The following SCML4 variants were observed in gnomAD, a reference collection of about 807,000 sequenced individuals.
SCML4 encodes Scm polycomb group protein like 4, also known as sex comb on midleg-like protein 4.
In SCML4, 34 loss-of-function variants were observed where a neutral mutation model predicts 41.1. The ratio of observed to expected loss-of-function variants is 0.83; its 90% confidence interval spans 0.63 to 1.10. SCML4 has a LOEUF of 1.10. Ranked by LOEUF, SCML4 falls within the 50% of genes least tolerant of loss-of-function variation. The probability of loss-of-function intolerance (pLI) is 0.00; values close to 1 mark genes in which losing one functional copy is unlikely to be tolerated. For missense variants in SCML4, 522 were observed against 534.1 expected (o/e 0.98, Z 0.22); for synonymous variants, 214 against 220.9 (o/e 0.97, Z 0.28).
At chr6:107,754,880 G>A (rs6908532) in intron 2 of SCML4, among the ~76,000 whole-genome samples, 95 of 152,186 alleles carry the variant, frequency 6.2e-4, no homozygotes, top group African/African-American at 1.3e-3. Context: ...AGGCCAAGAC[G>A]GCAGGATTGC....
At chr6:107,839,956 T>C in the SCML4 span, among the ~76,000 whole-genome samples, 5,148 of 152,188 alleles carry the variant, frequency 0.034, 138 homozygotes, top group South Asian at 0.055. Flanking sequence ...AATCACAAAT[T>C]AAAATAAAAA....
At chr6:107,802,774 C>T (rs1209780329) in intron 1 of SCML4, among the ~76,000 whole-genome samples, 6 of 149,502 alleles carry the variant, frequency 4.0e-5, no homozygotes, top group African/African-American at 7.4e-5. Flanking sequence ...TCTCTTTCCA[C>T]GGTCTCCCCC....
upstream of SCML4, chr6:107,824,460 CTCTGTGTGTGTGTGTGTGTG>C (rs1193435607): frequency 7.5e-5 from 9 of 120,142 alleles, no homozygotes; most frequent in African/African-American, 3.0e-4. Flanking sequence ...AAAACGAGGC[CTCTGTGTGTGTGTGTGTGTG>C]TGTGTGTGTG....
chr6:107,813,405 TATATATATATATATATATAAAA>T lies in SCML4; in HGVS notation c.-60+10699_-60+10720del, dbSNP rs1256830254. ...ATATATATATATATATATATATATA[TATATATATATATATATATAAAA>T]CTGTAAAATTAAATACATATTAAAA... is the stretch of plus-strand genomic sequence containing the variant. On this transcript the variant is annotated intron_variant, in intron 1 of 7. Transcript: ENST00000369020. Among the ~76,000 whole-genome samples, 8 of 67,900 alleles carry T rather than the reference TATATATATATATATATATAAAA, an allele frequency of 1.2e-4. 1 individual carries two copies. The highest frequency in any genetic ancestry group is 1.5e-4 in the Admixed American group (1 of 6,652). 44.5% of individuals were successfully genotyped at this position (67,900 alleles called of 152,430 possible).
At chr6:107,760,158 A>C (rs994588471) in intron 2 of SCML4, among the ~76,000 whole-genome samples, 1 of 152,234 alleles carries the variant, frequency 6.6e-6, no homozygotes, top group African/African-American at 2.4e-5. Context: ...AATTAGAAGA[A>C]ATGTAGCATT....
intron 2 of SCML4, among the ~76,000 whole-genome samples, chr6:107,762,876 CTTTTTTTTTTTT>C (rs57370632): frequency 2.2e-5 from 2 of 89,706 alleles, no homozygotes; most frequent in South Asian, 1.0e-3. Context: ...TAAATGCACT[CTTTTTTTTTTTT>C]TTTTTTTTTT....
chr6:107,770,781 T>C (rs1268676255), intron 2 of SCML4, among the ~76,000 whole-genome samples: 1 of 152,232 alleles, frequency 6.6e-6, no homozygotes. Context: ...TTGGTAATTT[T>C]CATTCTTGGG....
chr6:107,844,019 G>C, the SCML4 span, among the ~76,000 whole-genome samples: 1 of 152,166 alleles, frequency 6.6e-6, no homozygotes, highest in South Asian at 2.1e-4. Context: ...GAAAAATAAT[G>C]ATGGCAGATT....
Position 107,746,827 on chromosome 6 carries a change from G to A in SCML4, c.349C>T (p.Gln117Ter). 6.2e-7 allele frequency: 1 copy of A among 1,614,126 alleles called. No homozygotes were observed. Among genetic ancestry groups the A allele is most frequent in the Non-Finnish European group, 8.5e-7 (1 of 1,180,000 alleles). Reference protein sequence around the residue: ...GPYLERKKVQQLPEHFGPERP... With the variant: ...GPYLERKKVQ Reference sequence around the variant, plus strand: ...TCGGGCCCAAAATGCTCCGGGAGCTGCTGCACCTTCTTCCTCTCCAGATAG... The same window carrying A: ...TCGGGCCCAAAATGCTCCGGGAGCTACTGCACCTTCTTCCTCTCCAGATAG... Residue 117 changes from glutamine (Q) to a stop codon, truncating the protein, a stop_gained, in exon 4 of 8, where the codon CAG (glutamine) becomes TAG (stop). Transcript: ENST00000369020. LOFTEE classifies it high-confidence loss of function.
chr6:107,759,713 C>T (rs1002297142), intron 2 of SCML4, among the ~76,000 whole-genome samples: 3 of 152,130 alleles, frequency 2.0e-5, no homozygotes, highest in African/African-American at 7.2e-5. Flanking sequence ...CTGGCTTTGT[C>T]TCTAAGTTTC....
chr6:107,755,910 C>G (rs959210556), intron 2 of SCML4, among the ~76,000 whole-genome samples: 5 of 152,076 alleles, frequency 3.3e-5, no homozygotes, highest in African/African-American at 1.2e-4. Flanking sequence ...TACAGGGACA[C>G]AGGTGCCAAC....
the SCML4 span, among the ~76,000 whole-genome samples, chr6:107,845,382 A>C: frequency 6.6e-6 from 1 of 152,234 alleles, no homozygotes. Flanking sequence ...TGGAGCCTAG[A>C]GACGCTCCGG....
intron 1 of SCML4, among the ~76,000 whole-genome samples, chr6:107,809,699 T>C (rs1784016647): frequency 6.6e-6 from 1 of 152,164 alleles, no homozygotes; most frequent in Admixed American, 6.5e-5. Context: ...GGAGCAATGA[T>C]GAGTCCAGTT....
chr6:107,829,086 T>C (rs551138272), upstream of SCML4, among the ~76,000 whole-genome samples: 3 of 152,174 alleles, frequency 2.0e-5, no homozygotes, highest in Admixed American at 6.5e-5. Flanking sequence ...AAAAAACTAA[T>C]GATTTACAAA....
At chr6:107,772,120 AC>A (rs143149232) in intron 2 of SCML4, 51 bp downstream of exon 2, 19,559 of 1,486,792 alleles carry the variant, frequency 0.013, 417 homozygotes, top group East Asian at 0.11. Context: ...CTGACCAAGT[AC>A]CCGTGCCCCA....
intron 5 of SCML4, among the ~76,000 whole-genome samples, chr6:107,726,719 C>A (rs1162828945): frequency 6.6e-6 from 1 of 152,100 alleles, no homozygotes; most frequent in Non-Finnish European, 1.5e-5. Context: ...CCACTTCACA[C>A]CCACTAGGAA....
At position 107,711,155 on chromosome 6, in the gene SCML4, T is replaced by C. The variant is rs1774169412; in HGVS notation, c.974-3144A>G. Among the ~76,000 whole-genome samples the C allele has an allele frequency of 1.4e-5, 2 of 145,878 alleles. 1 individual carries two copies. The highest frequency in any genetic ancestry group is 1.4e-4 in the Admixed American group (2 of 14,376). ...CTGTGCCCAGGAAGTCTCTGCTGGC[T>C]AGGACCAACCAAAACCTGAGTCTTA... On this transcript the variant is annotated intron_variant, in intron 6 of 7. Coordinates refer to ENST00000369020, the MANE Select transcript of SCML4 (RefSeq NM_198081.5).
intron 1 of SCML4, among the ~76,000 whole-genome samples, chr6:107,814,750 G>A (rs137889210): frequency 3.3e-5 from 5 of 152,150 alleles, no homozygotes; most frequent in East Asian, 1.9e-4. Flanking sequence ...ACGGGGTTTC[G>A]CCACATTGGC....
intron 2 of SCML4, among the ~76,000 whole-genome samples, chr6:107,754,909 G>C (rs1778977690): frequency 6.6e-6 from 1 of 152,092 alleles, no homozygotes; most frequent in African/African-American, 2.4e-5. Flanking sequence ...TGGAGACCAG[G>C]CTGGACAACA....
Sources: gnomAD v4.1 joint callset for allele counts (sites outside exome capture counted in the v4.1 genomes callset) on GRCh38, gnomAD v4.1.1 for gene constraint, MANE v1.5 for transcripts, NCBI Gene and HGNC (gene_info 2026-07-23, HGNC 2026-07-21) for gene names.